XYLT1: variants seen among roughly 807,000 people sequenced by gnomAD.
The protein encoded by XYLT1 is beta-D-xylosyltransferase 1.
A neutral mutation model predicts 91.3 loss-of-function variants in XYLT1; 36 were observed. The observed-to-expected ratio is 0.39, with a 90% confidence interval of 0.30 to 0.52. The LOEUF (loss-of-function observed/expected upper bound fraction) is 0.52, where lower values mean the gene tolerates loss of function less well. Among genes scored for constraint, XYLT1 ranks in the 20% least tolerant of loss-of-function variants. The probability of loss-of-function intolerance (pLI) is 0.68; values close to 1 mark genes in which losing one functional copy is unlikely to be tolerated. For synonymous variants in XYLT1, 588 were observed against 532.0 expected, an observed-to-expected ratio of 1.11 and a Z score of -1.45; for missense variants, 1,242 against 1,284.5, an observed-to-expected ratio of 0.97 and a Z score of 0.51.
chr16:17,138,016 C>A (rs542778058), intron 8 of XYLT1, among the ~76,000 whole-genome samples: 6 of 145,298 alleles, frequency 4.1e-5, no homozygotes, highest in Non-Finnish European at 7.5e-5. Flanking sequence ...TTGGGAGATT[C>A]TGATGAAAAG....
At chr16:17,242,734 T>C (rs556166144) in intron 3 of XYLT1, among the ~76,000 whole-genome samples, 5 of 152,332 alleles carry the variant, frequency 3.3e-5, no homozygotes, top group South Asian at 2.1e-4. Context: ...TTTTGCAGAA[T>C]TGAAATTCTA....
At chr16:17,134,363 G>A in intron 9 of XYLT1, 110 bp downstream of exon 9, 1 of 1,396,340 alleles carries the variant, frequency 7.2e-7, no homozygotes, top group Non-Finnish European at 9.7e-7. Flanking sequence ...GAAAGCATAG[G>A]GTGGCATTGC....
intron 1 of XYLT1, among the ~76,000 whole-genome samples, chr16:17,419,454 A>G (rs1036976180): frequency 1.3e-5 from 2 of 152,080 alleles, no homozygotes; most frequent in African/African-American, 4.8e-5. Context: ...GACAATAGGT[A>G]AATGAATGGG....
chr16:17,138,185 G>GAACATCCC, intron 8 of XYLT1, 170 bp downstream of exon 8: 6 of 724,310 alleles, frequency 8.3e-6, no homozygotes, highest in South Asian at 2.1e-5. Flanking sequence ...CCTGAAGTAA[G>GAACATCCC]TGCTCAATAA....
intron 1 of XYLT1, among the ~76,000 whole-genome samples, chr16:17,378,922 T>A (rs1207488713): frequency 6.6e-6 from 1 of 152,228 alleles, no homozygotes; most frequent in Non-Finnish European, 1.5e-5. Flanking sequence ...GGAATTTAAC[T>A]TTTACCACAA....
intron 3 of XYLT1, among the ~76,000 whole-genome samples, chr16:17,207,044 TTTTC>T (rs1231078772): frequency 5.1e-4 from 66 of 129,964 alleles, no homozygotes; most frequent in East Asian, 1.3e-3. Context: ...GTTGGTTTTC[TTTTC>T]TTTCTTTTTT....
At chr16:17,394,759 C>T (rs1247171761) in intron 1 of XYLT1, among the ~76,000 whole-genome samples, 1 of 152,166 alleles carries the variant, frequency 6.6e-6, no homozygotes, top group Non-Finnish European at 1.5e-5. Context: ...ACTCAGTTTA[C>T]CTATAGGCAA....
intron 3 of XYLT1, among the ~76,000 whole-genome samples, chr16:17,252,928 TG>T (rs2033564082): frequency 1.3e-5 from 2 of 152,220 alleles, no homozygotes; most frequent in Admixed American, 1.3e-4. Flanking sequence ...GGCATCCATC[TG>T]TGTGTATGCT....
intron 1 of XYLT1, among the ~76,000 whole-genome samples, chr16:17,400,660 GAAGGAAGGAAGGAAGGAACT>G (rs1243197927): frequency 1.4e-5 from 2 of 146,042 alleles, no homozygotes; most frequent in African/African-American, 2.7e-5. Flanking sequence ...AGGAAGGAAG[GAAGGAAGGAAGGAAGGAACT>G]AACTAACTTG....
Position 17,108,631 on chromosome 16 carries a change from C to CA in XYLT1, c.*63_*64insT, listed in dbSNP as rs1966810773. ...CAGGGTGGGAGGCCGGGGTTCAGGCCCCACAACCCCTCTGGCTGCTTTCCC... is the reference window on the plus strand; with the variant it reads ...CAGGGTGGGAGGCCGGGGTTCAGGCCACCACAACCCCTCTGGCTGCTTTCCC... On this transcript the variant is annotated 3_prime_UTR_variant, in exon 12 of 12. Transcript: ENST00000261381. 2.5e-5 allele frequency: 36 copies of CA among 1,468,072 alleles called. No individual in the cohort carries two copies. The highest frequency in any genetic ancestry group is 3.3e-5 in the Non-Finnish European group (36 of 1,104,986). 90.9% of individuals were successfully genotyped at this position (1,468,072 alleles called of 1,614,324 possible).
intron 7 of XYLT1, chr16:17,138,813 T>A: frequency 3.3e-6 from 1 of 306,496 alleles, no homozygotes. Context: ...TTATGTTCTC[T>A]GCATGCATTT....
chr16:17,159,028 A>G, intron 5 of XYLT1, 119 bp from the exon 6 acceptor site: 1 of 826,180 alleles, frequency 1.2e-6, no homozygotes, highest in Non-Finnish European at 2.0e-6. Flanking sequence ...GATCATTTGC[A>G]CACAGGCTGA....
rs367678039 is a variant in XYLT1, at chr16:17,448,972, C to T, written c.363+21462G>A. On this transcript the variant is annotated intron_variant, in intron 1 of 11. Coordinates refer to ENST00000261381, the MANE Select transcript of XYLT1 (RefSeq NM_022166.4). ...GCTGCTGGGTGGCAGAGCCAGGCTGCGAACTCCGGCACCTTGGCGCCAAGT... is the reference window on the plus strand; with the variant it reads ...GCTGCTGGGTGGCAGAGCCAGGCTGTGAACTCCGGCACCTTGGCGCCAAGT... Among the ~76,000 whole-genome samples, 166 of 152,294 alleles carry T rather than the reference C, an allele frequency of 1.1e-3. 1 individual carries two copies. Among genetic ancestry groups the T allele is most frequent in the Middle Eastern group, 3.4e-3 (1 of 294 alleles).
chr16:17,437,662 A>C (rs1340785313), intron 1 of XYLT1, among the ~76,000 whole-genome samples: 2 of 152,174 alleles, frequency 1.3e-5, no homozygotes, highest in African/African-American at 4.8e-5. Context: ...GATAAAGAGA[A>C]GAGAGGGAAG....
chr16:17,212,020 T>C (rs961587745), intron 3 of XYLT1, among the ~76,000 whole-genome samples: 15 of 152,194 alleles, frequency 9.9e-5, no homozygotes, highest in Admixed American at 1.3e-4. Context: ...TGGTGGGGGA[T>C]AGGGCGTGGA....
At chr16:17,406,010 C>A (rs2036028763) in intron 1 of XYLT1, among the ~76,000 whole-genome samples, 1 of 151,498 alleles carries the variant, frequency 6.6e-6, no homozygotes, top group African/African-American at 2.4e-5. Flanking sequence ...CATGGAGAAA[C>A]CCCACTTCTA....
intron 1 of XYLT1, among the ~76,000 whole-genome samples, chr16:17,453,199 C>T (rs1473071276): frequency 1.3e-5 from 2 of 152,154 alleles, no homozygotes; most frequent in African/African-American, 4.8e-5. Flanking sequence ...AATTTCATTC[C>T]AAAAGTAATA....
chr16:17,258,677 A>G (rs946006869), intron 3 of XYLT1, among the ~76,000 whole-genome samples: 1 of 152,236 alleles, frequency 6.6e-6, no homozygotes, highest in Admixed American at 6.5e-5. Flanking sequence ...AAACGAAACC[A>G]TATCAATACA....
chr16:17,401,046 C>A (rs2035962532), intron 1 of XYLT1, among the ~76,000 whole-genome samples: 1 of 151,882 alleles, frequency 6.6e-6, no homozygotes, highest in East Asian at 1.9e-4. Context: ...AGAGTCAATT[C>A]TTTAACATTA....
Sources: allele counts gnomAD v4.1 joint callset (sites outside exome capture counted in the v4.1 genomes callset), GRCh38; gene constraint gnomAD v4.1.1; transcripts MANE v1.5; gene names NCBI Gene and HGNC (gene_info 2026-07-23, HGNC 2026-07-21).